The following PRKG1 variants were observed in gnomAD, a reference collection of about 807,000 sequenced individuals.
The protein encoded by PRKG1 is cGMP-dependent protein kinase 1.
PRKG1 carries 35 observed loss-of-function variants against 88.1 expected under a neutral mutation model. That is an observed-to-expected ratio of 0.40 (90% CI 0.30 to 0.53). PRKG1 has a LOEUF of 0.53. PRKG1 is among the 20% of genes least tolerant of loss of function. PRKG1 has a pLI of 0.59. For missense variants in PRKG1, 540 were observed against 839.8 expected, an observed-to-expected ratio of 0.64 and a Z score of 4.41; for synonymous variants, 303 against 292.5, an observed-to-expected ratio of 1.04 and a Z score of -0.37.
At chr10:51,516,903 TTA>T (rs1841602071) in intron 3 of PRKG1, among the ~76,000 whole-genome samples, 1 of 152,100 alleles carries the variant, frequency 6.6e-6, no homozygotes, top group Non-Finnish European at 1.5e-5. Flanking sequence ...CAAAAATAAG[TTA>T]TGAGCTGAGA....
At chr10:51,025,171 A>C (rs917685035) in intron 1 of PRKG1, among the ~76,000 whole-genome samples, 1 of 152,206 alleles carries the variant, frequency 6.6e-6, no homozygotes, top group Non-Finnish European at 1.5e-5. Context: ...AGTCTTGATC[A>C]ATCACAATAA....
chr10:50,994,813 GAA>G (rs35386826), intron 1 of PRKG1, among the ~76,000 whole-genome samples: 2 of 143,620 alleles, frequency 1.4e-5, no homozygotes, highest in African/African-American at 2.6e-5. Context: ...AACTATTCAG[GAA>G]AAAAAAAAAA....
At chr10:52,180,097 C>T (rs1473550327) in intron 9 of PRKG1, among the ~76,000 whole-genome samples, 4 of 152,276 alleles carry the variant, frequency 2.6e-5, no homozygotes, top group Non-Finnish European at 4.4e-5. Flanking sequence ...TTCTTCATTA[C>T]TTTTTATTAT....
intron 3 of PRKG1, among the ~76,000 whole-genome samples, chr10:51,481,824 G>T (rs9663745): frequency 1.3e-4 from 19 of 151,242 alleles, no homozygotes; most frequent in Admixed American, 1.1e-3. Context: ...TCATTATTTC[G>T]CCTTGAAATG....
chr10:51,360,057 G>A (rs987832341), intron 2 of PRKG1, among the ~76,000 whole-genome samples: 1 of 151,874 alleles, frequency 6.6e-6, no homozygotes, highest in East Asian at 1.9e-4. Flanking sequence ...GAGGGAAAAT[G>A]TTAGTTGAGA....
chr10:51,722,845 G>T (rs1842045577), intron 3 of PRKG1, among the ~76,000 whole-genome samples: 1 of 152,146 alleles, frequency 6.6e-6, no homozygotes, highest in South Asian at 2.1e-4. Context: ...CTAAAGGACT[G>T]ATTAAATGTT....
chr10:52,233,805 G>A (rs945134102), intron 9 of PRKG1, among the ~76,000 whole-genome samples: 1 of 152,016 alleles, frequency 6.6e-6, no homozygotes, highest in Non-Finnish European at 1.5e-5. Context: ...ACTGGGTGGA[G>A]CCCACCACAG....
At chr10:51,623,340 A>G (rs1336848281) in intron 3 of PRKG1, among the ~76,000 whole-genome samples, 2 of 152,176 alleles carry the variant, frequency 1.3e-5, no homozygotes, top group Non-Finnish European at 2.9e-5. Flanking sequence ...AGCTGGGACC[A>G]CAGGCATGTG....
chr10:51,138,600 T>G (rs1845742813), intron 1 of PRKG1, among the ~76,000 whole-genome samples: 1 of 152,014 alleles, frequency 6.6e-6, no homozygotes, highest in South Asian at 2.1e-4. Flanking sequence ...AGTCTAATTT[T>G]GATTTAGTTC....
At chr10:51,101,131 T>C (rs1844670728) in intron 1 of PRKG1, among the ~76,000 whole-genome samples, 1 of 152,160 alleles carries the variant, frequency 6.6e-6, no homozygotes, top group African/African-American at 2.4e-5. Context: ...GCCTTAATCC[T>C]CGAACCTCTC....
chr10:51,253,707 G>A (rs567662022), intron 2 of PRKG1, among the ~76,000 whole-genome samples: 73 of 151,960 alleles, frequency 4.8e-4, no homozygotes, highest in Non-Finnish European at 8.3e-4. Flanking sequence ...CTTCGACTTA[G>A]TATTTTATCA....
At chr10:51,053,656 AC>A (rs1185724218) in intron 1 of PRKG1, among the ~76,000 whole-genome samples, 1 of 152,224 alleles carries the variant, frequency 6.6e-6, no homozygotes. Flanking sequence ...AAAAAGGAAA[AC>A]AATAAAACTT....
intron 5 of PRKG1, among the ~76,000 whole-genome samples, chr10:51,988,876 GT>G (rs1844230537): frequency 6.6e-6 from 1 of 151,906 alleles, no homozygotes; most frequent in African/African-American, 2.4e-5. Flanking sequence ...TTTAAATGTA[GT>G]TTATAGGTTT....
intron 9 of PRKG1, among the ~76,000 whole-genome samples, chr10:52,245,188 GC>G (rs1043010142): frequency 5.9e-5 from 9 of 151,562 alleles, no homozygotes; most frequent in African/African-American, 2.2e-4. Context: ...TGGGCTTAAG[GC>G]TCACTTTCTC....
At chr10:51,480,532 T>A (rs1205258574) in intron 3 of PRKG1, among the ~76,000 whole-genome samples, 1 of 151,784 alleles carries the variant, frequency 6.6e-6, no homozygotes, top group Non-Finnish European at 1.5e-5. Flanking sequence ...AATGATGGTA[T>A]TGTAGCTGAG....
At chr10:51,977,359 T>C (rs771143266) in intron 5 of PRKG1, among the ~76,000 whole-genome samples, 1 of 152,092 alleles carries the variant, frequency 6.6e-6, no homozygotes, top group African/African-American at 2.4e-5. Context: ...TTTTCTTTTA[T>C]CCAGTCTACC....
At chr10:51,678,408 T>C (rs911833066) in intron 3 of PRKG1, among the ~76,000 whole-genome samples, 9 of 152,146 alleles carry the variant, frequency 5.9e-5, no homozygotes, top group African/African-American at 2.2e-4. Context: ...AAATAATAAA[T>C]TGAATAAAAA....
Position 51,205,134 on chromosome 10 carries a change from T to C in PRKG1, c.478+51804T>C, listed in dbSNP as rs1455943258. Among the ~76,000 whole-genome samples, 658 of 92,914 alleles carry C rather than the reference T, an allele frequency of 7.1e-3. 92 individuals carry two copies. Among genetic ancestry groups the C allele is most frequent in the African/African-American group, 0.037 (602 of 16,396 alleles). 61.0% of individuals were successfully genotyped at this position (92,914 alleles called of 152,430 possible). A position where few individuals can be genotyped will look rare whatever the true frequency, so the allele number is the denominator to read the frequency against. On this transcript the variant is annotated intron_variant, in intron 2 of 17. Transcript: ENST00000373980. ...GAATTTTCATTTTCTTTTCTTTTTTTTTTTTTTTTTTTTTTTTTTTTTTGA... is the reference window on the plus strand; with the variant it reads ...GAATTTTCATTTTCTTTTCTTTTTTCTTTTTTTTTTTTTTTTTTTTTTTGA...
intron 2 of PRKG1, among the ~76,000 whole-genome samples, chr10:51,373,569 A>G (rs1168421781): frequency 6.6e-6 from 1 of 152,096 alleles, no homozygotes; most frequent in Non-Finnish European, 1.5e-5. Context: ...TGCCTTAGCT[A>G]TATTTCCCGA....
Sources: allele counts gnomAD v4.1 joint callset (sites outside exome capture counted in the v4.1 genomes callset), GRCh38; gene constraint gnomAD v4.1.1; transcripts MANE v1.5; gene names NCBI Gene and HGNC (gene_info 2026-07-23, HGNC 2026-07-21).